Variants in USH2A observed in about 807,000 individuals in gnomAD.
USH2A encodes the protein usherin, also known as Usher syndrome 2A (autosomal recessive, mild).
In USH2A, 443 loss-of-function variants were observed where a neutral mutation model predicts 538.9. The ratio of observed to expected loss-of-function variants is 0.82; its 90% CI spans 0.76 to 0.89. The LOEUF (loss-of-function observed/expected upper bound fraction) is 0.89. Among genes scored for constraint, USH2A ranks in the 40% least tolerant of loss-of-function variants. The probability of loss-of-function intolerance (pLI) is 0.00; values close to 1 mark genes in which losing one functional copy is unlikely to be tolerated. For missense variants in USH2A, 6,633 were observed against 6,324.8 expected, an observed-to-expected ratio of 1.05 and a Z score of -1.65; for synonymous variants, 2,413 against 2,273.5, an observed-to-expected ratio of 1.06 and a Z score of -1.75.
chr1:215,868,825 T>C (rs1664550973), intron 43 of USH2A, among the ~76,000 whole-genome samples: 1 of 152,202 alleles, frequency 6.6e-6, no homozygotes, highest in Non-Finnish European at 1.5e-5. Context: ...AAGGATTTCC[T>C]AGGGCTACCA....
At chr1:216,146,815 C>A (rs2033716243) in intron 21 of USH2A, among the ~76,000 whole-genome samples, 1 of 152,054 alleles carries the variant, frequency 6.6e-6, no homozygotes, top group African/African-American at 2.4e-5. Context: ...CAACCTTCCA[C>A]CCTCCATTCC....
rs778976944 is a variant in USH2A at position 216,070,264 on chromosome 1, T to G, written c.5886A>C (p.Arg1962Ser). 2 of 1,613,838 alleles carry G rather than the reference T, an allele frequency of 1.2e-6. No individual in the cohort carries two copies. The highest frequency in any genetic ancestry group is 1.3e-5 in the African/African-American group (1 of 74,912). ...AAPQSVPTPS[R>S]VRSLNGYSIE... ...TGCTGTATCCATTTAAGCTGCGGAC[T>G]CTTGAGGGAGTTGGCACACTTTGTG... Residue 1962 changes from arginine to serine, a missense_variant, in exon 30 of 72, where the codon AGA (arginine) becomes AGC (serine). Coordinates refer to ENST00000307340, the MANE Select transcript of USH2A (RefSeq NM_206933.4).
intron 3 of USH2A, among the ~76,000 whole-genome samples, chr1:216,418,035 G>A (rs1344666778): frequency 6.6e-6 from 1 of 152,030 alleles, no homozygotes; most frequent in Non-Finnish European, 1.5e-5. Context: ...CACCTTTTGA[G>A]TGCCTCAAGT....
At chr1:215,676,356 A>G (rs1326305111) in intron 62 of USH2A, among the ~76,000 whole-genome samples, 1 of 151,792 alleles carries the variant, frequency 6.6e-6, no homozygotes, top group Non-Finnish European at 1.5e-5. Context: ...GCAAGTTTTC[A>G]TTTTTTTTGA....
intron 32 of USH2A, among the ~76,000 whole-genome samples, chr1:216,040,729 ACAATAGCTC>A (rs1313137661): frequency 6.6e-6 from 1 of 152,006 alleles, no homozygotes; most frequent in African/African-American, 2.4e-5. Context: ...TAAGTGGCCC[ACAATAGCTC>A]TGCTAGTGAT....
At chr1:216,289,233 C>T (rs1191107802) in intron 11 of USH2A, 47 bp downstream of exon 11, 1 of 1,612,958 alleles carries the variant, frequency 6.2e-7, no homozygotes, top group South Asian at 1.1e-5. Context: ...AAATAAGTTT[C>T]TGGCAGACAG....
At chr1:215,856,352 C>T (rs1183227787) in intron 44 of USH2A, among the ~76,000 whole-genome samples, 3 of 151,984 alleles carry the variant, frequency 2.0e-5, no homozygotes, top group African/African-American at 4.8e-5. Context: ...AAAATACAAA[C>T]AATCAAGTCA....
In USH2A at chr1:215,934,734, G is replaced by A; in HGVS notation, c.7182C>T (p.Asn2394=). The A allele has an allele frequency of 6.2e-7, 1 of 1,612,768 alleles. No individual in the cohort carries two copies. Among genetic ancestry groups the A allele is most frequent in the East Asian group, 2.2e-5 (1 of 44,816 alleles). The change falls in exon 38 of 72, where the codon AAC becomes AAT. Residue 2394 remains asparagine (N), a synonymous_variant. Coordinates refer to ENST00000307340, the MANE Select transcript of USH2A (RefSeq NM_206933.4). ...TKVMYSGEET[N]LWVLIDGLVP... ...CCAGCCCATCGATGAGCACCCAAAG[G>A]TTTGTCTCTTCTCCGCTGTACATGA...
rs1008802953 is a variant in USH2A at position 216,126,125 on chromosome 1, G to A, written c.4628-28912C>T. ...CTTTGATAGTCCTGCTGACTGCTTG[G>A]GGTCTCACATGGAAGAGAGTGCCTA... On this transcript the variant is annotated intron_variant, in intron 21 of 71. Transcript: ENST00000307340. 3.9e-5 allele frequency among the ~76,000 whole-genome samples: 6 copies of A among 152,246 alleles called. 1 individual carries two copies. The South Asian group carries it at 6.2e-4, about 16-fold the overall frequency.
intron 44 of USH2A, among the ~76,000 whole-genome samples, chr1:215,850,731 G>T (rs930876433): frequency 2.0e-5 from 3 of 152,230 alleles, no homozygotes; most frequent in Admixed American, 1.3e-4. Flanking sequence ...CCCCAAAACT[G>T]CAGAATATAC....
At chr1:216,186,947 A>C (rs998946158) in intron 20 of USH2A, among the ~76,000 whole-genome samples, 1 of 151,866 alleles carries the variant, frequency 6.6e-6, no homozygotes, top group Admixed American at 6.6e-5. Flanking sequence ...AAAAAAGTCT[A>C]CCAGACACTT....
intron 60 of USH2A, among the ~76,000 whole-genome samples, chr1:215,730,207 C>T (rs1659953457): frequency 6.6e-6 from 1 of 152,170 alleles, no homozygotes; most frequent in South Asian, 2.1e-4. Context: ...CTTTTCTCAT[C>T]CAGATGTAAA....
chr1:215,973,957 C>CACACACAG (rs1296415880), intron 35 of USH2A, among the ~76,000 whole-genome samples: 2 of 151,398 alleles, frequency 1.3e-5, no homozygotes, highest in Non-Finnish European at 2.9e-5. Flanking sequence ...CACACACACA[C>CACACACAG]ACACACACAC....
intron 11 of USH2A, among the ~76,000 whole-genome samples, chr1:216,284,385 C>T (rs572476666): frequency 5.3e-5 from 8 of 152,214 alleles, no homozygotes; most frequent in Admixed American, 4.6e-4. Context: ...TTTCCCCCAC[C>T]CTCACTTGGC....
chr1:216,126,610 A>G (rs1421946754), intron 21 of USH2A, among the ~76,000 whole-genome samples: 2 of 152,106 alleles, frequency 1.3e-5, no homozygotes, highest in African/African-American at 4.8e-5. Flanking sequence ...ATTTGTATGT[A>G]AAAAGCACCC....
intron 61 of USH2A, among the ~76,000 whole-genome samples, chr1:215,696,775 G>C (rs1159283870): frequency 6.6e-6 from 1 of 152,170 alleles, no homozygotes; most frequent in African/African-American, 2.4e-5. Flanking sequence ...GCCAAGGTGG[G>C]AGGATCACTT....
chr1:215,703,169 G>C (rs1437677230), intron 61 of USH2A, among the ~76,000 whole-genome samples: 2 of 152,176 alleles, frequency 1.3e-5, no homozygotes, highest in Non-Finnish European at 2.9e-5. Flanking sequence ...ACTGCTGCCT[G>C]CTCCTTCCTC....
intron 22 of USH2A, among the ~76,000 whole-genome samples, chr1:216,091,990 G>A (rs1386968706): frequency 3.3e-5 from 5 of 151,962 alleles, no homozygotes; most frequent in African/African-American, 1.2e-4. Context: ...CCAGGAGTTC[G>A]GGACCAACCT....
At chr1:215,794,782 T>A (rs902851442) in intron 50 of USH2A, among the ~76,000 whole-genome samples, 33 of 152,208 alleles carry the variant, frequency 2.2e-4, no homozygotes, top group Admixed American at 1.2e-3. Context: ...TTGACTGGCA[T>A]GCGACATCAT....
Sources: gnomAD v4.1 joint callset for allele counts (sites outside exome capture counted in the v4.1 genomes callset) on GRCh38, gnomAD v4.1.1 for gene constraint, MANE v1.5 for transcripts, NCBI Gene and HGNC (gene_info 2026-07-23, HGNC 2026-07-21) for gene names.